EPHA4: variants seen among roughly 807,000 people sequenced by gnomAD.
EPHA4 encodes ephrin type-A receptor 4.
EPHA4 carries 19 observed loss-of-function variants against 108.3 expected under a neutral mutation model. The observed-to-expected ratio is 0.18, with a 90% confidence interval of 0.12 to 0.26. The LOEUF is 0.26. Among genes scored for constraint, EPHA4 ranks in the 10% least tolerant of loss-of-function variants. EPHA4 has a pLI of 1.00. For synonymous variants in EPHA4, 449 were observed against 455.5 expected (o/e 0.99, Z 0.18); for missense variants, 917 against 1,254.0 (o/e 0.73, Z 4.06).
intron 3 of EPHA4, among the ~76,000 whole-genome samples, chr2:221,562,267 T>C (rs1694492062): frequency 6.6e-6 from 1 of 152,098 alleles, no homozygotes; most frequent in Non-Finnish European, 1.5e-5. Flanking sequence ...CTCTTTTTTC[T>C]ATTTACCACA....
intron 5 of EPHA4, among the ~76,000 whole-genome samples, chr2:221,458,959 G>A (rs879539863): frequency 7.2e-5 from 11 of 152,114 alleles, no homozygotes; most frequent in Admixed American, 4.6e-4. Flanking sequence ...TCCCAAACTG[G>A]GGAAACAAAT....
At chr2:221,555,018 G>A (rs1003282156) in intron 3 of EPHA4, among the ~76,000 whole-genome samples, 6 of 152,156 alleles carry the variant, frequency 3.9e-5, no homozygotes, top group Non-Finnish European at 5.9e-5. Flanking sequence ...AGAACAGCAA[G>A]ATTCCAGCTG....
intron 3 of EPHA4, among the ~76,000 whole-genome samples, chr2:221,549,735 C>T (rs1414524313): frequency 6.6e-6 from 1 of 152,220 alleles, no homozygotes; most frequent in Non-Finnish European, 1.5e-5. Context: ...GCCTGTAATC[C>T]CAGCACTTTG....
chr2:221,445,673 C>A (rs918906021), intron 9 of EPHA4, among the ~76,000 whole-genome samples: 1 of 150,402 alleles, frequency 6.6e-6, no homozygotes, highest in Non-Finnish European at 1.5e-5. Flanking sequence ...CTCTTTGGAA[C>A]ATCAAAATTA....
At chr2:221,477,686 GC>G (rs1384222806) in intron 5 of EPHA4, among the ~76,000 whole-genome samples, 1 of 152,176 alleles carries the variant, frequency 6.6e-6, no homozygotes, top group Non-Finnish European at 1.5e-5. Context: ...TGATAATTCT[GC>G]TGAAGCATTT....
chr2:221,541,842 C>G (rs1017331351), intron 3 of EPHA4, among the ~76,000 whole-genome samples: 11 of 152,038 alleles, frequency 7.2e-5, no homozygotes, highest in African/African-American at 2.7e-4. Context: ...GGATAGGCAC[C>G]CAGACGTTAC....
chr2:221,483,522 G>A (rs968163188), intron 4 of EPHA4, among the ~76,000 whole-genome samples: 9 of 151,662 alleles, frequency 5.9e-5, no homozygotes, highest in Non-Finnish European at 1.0e-4. Flanking sequence ...GTGTGTGTGT[G>A]TGTGTGTGTG....
intron 5 of EPHA4, among the ~76,000 whole-genome samples, chr2:221,469,399 C>A (rs1270256447): frequency 1.3e-5 from 2 of 152,088 alleles, no homozygotes; most frequent in Non-Finnish European, 2.9e-5. Context: ...AGAAAAGCAC[C>A]AACACGAGAG....
intron 3 of EPHA4, among the ~76,000 whole-genome samples, chr2:221,527,079 G>C (rs1396621709): frequency 6.6e-6 from 1 of 151,952 alleles, no homozygotes; most frequent in Non-Finnish European, 1.5e-5. Flanking sequence ...AGCCGAGATC[G>C]CGCCACTGCA....
At chr2:221,449,870 C>T (rs965896055) in intron 8 of EPHA4, among the ~76,000 whole-genome samples, 6 of 152,154 alleles carry the variant, frequency 3.9e-5, no homozygotes, top group Non-Finnish European at 8.8e-5. Flanking sequence ...AAAAATAAAG[C>T]AACGTAACTA....
intron 3 of EPHA4, among the ~76,000 whole-genome samples, chr2:221,509,403 G>C (rs1218496204): frequency 6.6e-6 from 1 of 152,170 alleles, no homozygotes; most frequent in Non-Finnish European, 1.5e-5. Context: ...ACTCTGAGGA[G>C]ACTAAACTCC....
intron 13 of EPHA4, 54 bp downstream of exon 13, chr2:221,436,343 GAA>G: frequency 6.5e-7 from 1 of 1,547,970 alleles, no homozygotes; most frequent in Non-Finnish European, 8.9e-7. Context: ...CTCAAAGTGA[GAA>G]GAGAGGAACA....
intron 3 of EPHA4, among the ~76,000 whole-genome samples, chr2:221,515,388 G>A (rs1010301374): frequency 3.9e-5 from 6 of 152,092 alleles, no homozygotes; most frequent in African/African-American, 1.4e-4. Context: ...AGCCACCACG[G>A]CCAGCCAAGC....
At chr2:221,477,310 C>T (rs553863137) in intron 5 of EPHA4, among the ~76,000 whole-genome samples, 37 of 152,310 alleles carry the variant, frequency 2.4e-4, no homozygotes, top group African/African-American at 8.7e-4. Context: ...CCAGCTCAAG[C>T]AAAGGCCACA....
chr2:221,526,770 C>A (rs1303589039), intron 3 of EPHA4, among the ~76,000 whole-genome samples: 5 of 146,074 alleles, frequency 3.4e-5, no homozygotes, highest in African/African-American at 1.3e-4. Flanking sequence ...TTGCTCGAAC[C>A]CGGGAGGCAG....
chr2:221,562,794 T>A (rs556439765), intron 3 of EPHA4, among the ~76,000 whole-genome samples: 2 of 152,310 alleles, frequency 1.3e-5, no homozygotes, highest in South Asian at 4.1e-4. Context: ...TAAATAGGAA[T>A]TACTCTCATC....
intron 3 of EPHA4, among the ~76,000 whole-genome samples, chr2:221,513,630 G>T (rs1692898887): frequency 6.6e-6 from 1 of 152,122 alleles, no homozygotes. Context: ...TGGCTCCTCT[G>T]ATGGGTCACC....
chr2:221,558,699 A>G (rs1694370439), intron 3 of EPHA4, among the ~76,000 whole-genome samples: 1 of 152,172 alleles, frequency 6.6e-6, no homozygotes, highest in Admixed American at 6.5e-5. Flanking sequence ...GTGAACCCCA[A>G]ATAGAGACTA....
At chr2:221,540,375 G>T (rs780306077) in intron 3 of EPHA4, among the ~76,000 whole-genome samples, 2 of 152,148 alleles carry the variant, frequency 1.3e-5, no homozygotes, top group Non-Finnish European at 2.9e-5. Context: ...GTCCTCAGTT[G>T]TCATAACATC....
Sources: allele counts gnomAD v4.1 joint callset (sites outside exome capture counted in the v4.1 genomes callset), GRCh38; gene constraint gnomAD v4.1.1; transcripts MANE v1.5; gene names NCBI Gene and HGNC (gene_info 2026-07-23, HGNC 2026-07-21).